The following SORBS2 variants were observed in gnomAD, a reference collection of about 807,000 sequenced individuals.
SORBS2 encodes sorbin and SH3 domain containing 2, also known as sorbin and SH3 domain-containing protein 2.
Under a neutral mutation model 97.7 loss-of-function variants are expected in SORBS2, and 46 were observed. The observed-to-expected ratio is 0.47, with a 90% confidence interval of 0.37 to 0.60. The LOEUF is 0.60. SORBS2 is among the 20% of genes least tolerant of loss of function. The probability of loss-of-function intolerance (pLI) is 0.00; values close to 1 mark genes in which losing one functional copy is unlikely to be tolerated. For synonymous variants in SORBS2, 476 were observed against 473.4 expected (o/e 1.01, Z -0.07); for missense variants, 1,316 against 1,282.3 (o/e 1.03, Z -0.40).
chr4:185,903,789 C>T (rs189451695), intron 1 of SORBS2, among the ~76,000 whole-genome samples: 1 of 152,244 alleles, frequency 6.6e-6, no homozygotes, highest in Non-Finnish European at 1.5e-5. Flanking sequence ...AACTTACAAA[C>T]CTGGCTTTGG....
chr4:185,870,644 T>C (rs1201721180), intron 1 of SORBS2, among the ~76,000 whole-genome samples: 1 of 152,192 alleles, frequency 6.6e-6, no homozygotes, highest in African/African-American at 2.4e-5. Flanking sequence ...CCGGCTTTGC[T>C]CTCTCAGGCA....
intron 2 of SORBS2, among the ~76,000 whole-genome samples, chr4:185,712,744 C>A (rs2098434887): frequency 1.3e-5 from 2 of 152,194 alleles, no homozygotes; most frequent in Non-Finnish European, 2.9e-5. Flanking sequence ...CTCATGCACG[C>A]CAGCTTCCAC....
At chr4:185,731,860 CTCTCTCTATATATATATATA>C (rs1384999378) in intron 2 of SORBS2, among the ~76,000 whole-genome samples, 237 of 34,262 alleles carry the variant, frequency 6.9e-3, no homozygotes, top group Middle Eastern at 0.029. Context: ...CTCTCTCTCT[CTCTCTCTATATATATATATA>C]TATATATATA....
rs551317326 is a variant in SORBS2 at position 185,774,472 on chromosome 4, A to G, written c.-198+755T>C. On this transcript the variant is annotated intron_variant, in intron 2 of 20. Coordinates refer to the SORBS2 transcript ENST00000284776. ...TAGTAAATAGCCACAATCAAAGTAA[A>G]TGCTGTGTTTGAAGTTAAAGTCCAC... 4 of 152,338 alleles carry G rather than the reference A, an allele frequency of 2.6e-5. No individual in the cohort carries two copies. In the East Asian group the frequency reaches 7.7e-4, roughly 29 times the overall value. 9.4% of individuals were successfully genotyped at this position (152,338 alleles called of 1,614,324 possible).
At chr4:185,939,416 T>C (rs539711631) in intron 1 of SORBS2, among the ~76,000 whole-genome samples, 21 of 152,336 alleles carry the variant, frequency 1.4e-4, no homozygotes, top group Admixed American at 1.4e-3. Flanking sequence ...AAACAGTGTG[T>C]TCTTTGGCCC....
intron 12 of SORBS2, among the ~76,000 whole-genome samples, chr4:185,601,995 C>T (rs11935244): frequency 0.11 from 17,362 of 152,234 alleles, 1,097 homozygotes; most frequent in East Asian, 0.21. Flanking sequence ...GGAGGCTCAG[C>T]TTATAGAGGA....
intron 2 of SORBS2, among the ~76,000 whole-genome samples, chr4:185,650,426 GCCAT>G (rs1409489080): frequency 1.3e-5 from 2 of 152,220 alleles, no homozygotes; most frequent in Non-Finnish European, 2.9e-5. Flanking sequence ...AAGGTGTGAA[GCCAT>G]GGCTTGCACG....
At chr4:185,637,692 T>A (rs1581527427) in intron 4 of SORBS2, among the ~76,000 whole-genome samples, 1 of 152,202 alleles carries the variant, frequency 6.6e-6, no homozygotes, top group South Asian at 2.1e-4. Context: ...AGGTGCCTGA[T>A]GTTTGCTCAG....
chr4:185,876,171 G>A (rs530611090), intron 1 of SORBS2, among the ~76,000 whole-genome samples: 2 of 152,106 alleles, frequency 1.3e-5, no homozygotes, highest in Admixed American at 6.5e-5. Flanking sequence ...GCAGTGGCAC[G>A]ATCTCAGCCC....
chr4:185,722,176 C>T (rs558665984), intron 2 of SORBS2, among the ~76,000 whole-genome samples: 88 of 152,166 alleles, frequency 5.8e-4, no homozygotes, highest in Non-Finnish European at 1.0e-3. Context: ...GATGATGAAA[C>T]GGCTATGATC....
intron 1 of SORBS2, among the ~76,000 whole-genome samples, chr4:185,924,596 TAG>T (rs1439780500): frequency 6.6e-6 from 1 of 152,108 alleles, no homozygotes; most frequent in Non-Finnish European, 1.5e-5. Flanking sequence ...CCCACGTGTG[TAG>T]AACATCATGG....
At chr4:185,836,083 C>T (rs568765551) in intron 1 of SORBS2, among the ~76,000 whole-genome samples, 9 of 151,954 alleles carry the variant, frequency 5.9e-5, no homozygotes, top group East Asian at 3.9e-4. Flanking sequence ...ATGTAATAAA[C>T]GATGACCCAG....
At chr4:185,754,144 T>C (rs746583704) in intron 2 of SORBS2, among the ~76,000 whole-genome samples, 12 of 152,162 alleles carry the variant, frequency 7.9e-5, no homozygotes, top group Non-Finnish European at 1.3e-4. Context: ...TGATGTCCTT[T>C]GCAGCAACAT....
At chr4:185,690,069 C>G (rs1199980769) in intron 2 of SORBS2, among the ~76,000 whole-genome samples, 1 of 152,120 alleles carries the variant, frequency 6.6e-6, no homozygotes, top group Non-Finnish European at 1.5e-5. Flanking sequence ...AGATACTACT[C>G]TCACATCTAC....
At chr4:185,618,224 C>G (rs1446007013) in intron 9 of SORBS2, among the ~76,000 whole-genome samples, 1 of 152,234 alleles carries the variant, frequency 6.6e-6, no homozygotes, top group African/African-American at 2.4e-5. Context: ...ATCTGCCTGC[C>G]TTGGCCTCCC....
intron 1 of SORBS2, among the ~76,000 whole-genome samples, chr4:185,938,699 A>AT (rs1382726913): frequency 1.3e-5 from 2 of 149,884 alleles, no homozygotes; most frequent in Non-Finnish European, 3.0e-5. Flanking sequence ...CACCAACCCT[A>AT]TGAGTTTCCC....
upstream of SORBS2, among the ~76,000 whole-genome samples, chr4:185,660,795 C>T (rs148171354): frequency 0.011 from 1,749 of 152,280 alleles, 26 homozygotes; most frequent in Non-Finnish European, 0.018. Flanking sequence ...AGGACCAGGC[C>T]TCTCCTTTTC....
chr4:185,729,955 T>TTTTTC (rs1470304685), intron 2 of SORBS2, among the ~76,000 whole-genome samples: 37 of 152,172 alleles, frequency 2.4e-4, no homozygotes, highest in African/African-American at 8.7e-4. Flanking sequence ...TTACATTTTC[T>TTTTTC]TTTTTCTTTT....
chr4:185,609,178 C>T (rs1027101546), intron 12 of SORBS2, among the ~76,000 whole-genome samples: 2 of 152,030 alleles, frequency 1.3e-5, no homozygotes, highest in Non-Finnish European at 2.9e-5. Flanking sequence ...GCTGAGTTTT[C>T]AATGATATAA....
Sources: gnomAD v4.1 joint callset for allele counts (sites outside exome capture counted in the v4.1 genomes callset) on GRCh38, gnomAD v4.1.1 for gene constraint, MANE v1.5 for transcripts, NCBI Gene and HGNC (gene_info 2026-07-23, HGNC 2026-07-21) for gene names.